The following WWOX variants were observed in gnomAD, a reference collection of about 807,000 sequenced individuals.
WWOX encodes the protein WW domain containing oxidoreductase, also known as WW domain-containing oxidoreductase.
A neutral mutation model predicts 46.2 loss-of-function variants in WWOX; 69 were observed. The ratio of observed to expected loss-of-function variants is 1.49; its 90% confidence interval spans 1.23 to 1.82. The LOEUF (loss-of-function observed/expected upper bound fraction) is 1.82, where lower values mean the gene tolerates loss of function less well. WWOX is among the 40% of genes most tolerant of loss of function. WWOX has a pLI of 0.00. For synonymous variants in WWOX, 359 were observed against 202.6 expected (o/e 1.77, Z -6.56); for missense variants, 919 against 542.6 (o/e 1.69, Z -6.89).
At chr16:78,435,721 C>G (rs1382981880) in intron 8 of WWOX, among the ~76,000 whole-genome samples, 1 of 152,168 alleles carries the variant, frequency 6.6e-6, no homozygotes, top group Non-Finnish European at 1.5e-5. Context: ...GTGGACCTCA[C>G]AGCTCTCCTG....
chr16:78,318,366 A>G (rs1169242304), intron 5 of WWOX, among the ~76,000 whole-genome samples: 1 of 150,878 alleles, frequency 6.6e-6, no homozygotes, highest in Non-Finnish European at 1.5e-5. Context: ...GAAAATGTAT[A>G]AAGGAGAGGT....
Position 78,941,450 on chromosome 16 carries a change from C to A in WWOX, c.1057-270158C>A, listed in dbSNP as rs2045849374. On this transcript the variant is annotated intron_variant, in intron 8 of 8. Coordinates refer to ENST00000566780, the MANE Select transcript of WWOX (RefSeq NM_016373.4). Reference sequence around the variant, plus strand: ...CTCGTAAGCGCATCATTACCTTCCTCCGAACAAAGTCCTTTTTTTTTTTTT... The same window carrying A: ...CTCGTAAGCGCATCATTACCTTCCTACGAACAAAGTCCTTTTTTTTTTTTT... Among the ~76,000 whole-genome samples, 3 of 151,424 alleles carry A rather than the reference C, an allele frequency of 2.0e-5. No individual in the cohort carries two copies. The South Asian group carries it at 6.3e-4, about 32-fold the overall frequency.
At chr16:78,211,555 CCTG>C (rs753430190) in intron 5 of WWOX, among the ~76,000 whole-genome samples, 1 of 151,680 alleles carries the variant, frequency 6.6e-6, no homozygotes, top group Non-Finnish European at 1.5e-5. Context: ...TGCTGTTGCT[CCTG>C]CTGCTGCTGC....
chr16:78,420,353 A>G (rs987715208), intron 6 of WWOX, among the ~76,000 whole-genome samples: 6 of 152,208 alleles, frequency 3.9e-5, no homozygotes, highest in African/African-American at 1.2e-4. Context: ...TAGCCAATAA[A>G]TGGAAACAAT....
chr16:79,021,317 G>T (rs529436251), intron 8 of WWOX, among the ~76,000 whole-genome samples: 1 of 152,128 alleles, frequency 6.6e-6, no homozygotes, highest in Non-Finnish European at 1.5e-5. Context: ...GCGAGATATT[G>T]TCTCTACTCT....
At chr16:79,009,697 C>G (rs1333196767) in intron 8 of WWOX, among the ~76,000 whole-genome samples, 1 of 152,142 alleles carries the variant, frequency 6.6e-6, no homozygotes, top group Non-Finnish European at 1.5e-5. Context: ...GTGATCCACC[C>G]ACCTCAGCTT....
chr16:79,169,086 C>T (rs1479108237), intron 8 of WWOX, among the ~76,000 whole-genome samples: 1 of 152,160 alleles, frequency 6.6e-6, no homozygotes, highest in Non-Finnish European at 1.5e-5. Flanking sequence ...GTTTTATAAA[C>T]ATGATCCCAC....
chr16:78,331,318 T>C (rs1031537776), intron 5 of WWOX, among the ~76,000 whole-genome samples: 2 of 152,224 alleles, frequency 1.3e-5, no homozygotes, highest in African/African-American at 4.8e-5. Flanking sequence ...GAAGGTAATA[T>C]TGGCATATTT....
intron 8 of WWOX, among the ~76,000 whole-genome samples, chr16:78,527,929 G>C (rs1048782458): frequency 6.6e-6 from 1 of 150,778 alleles, no homozygotes; most frequent in Non-Finnish European, 1.5e-5. Context: ...TGCCCAGGTT[G>C]GGAAGCTCTG....
At chr16:78,524,326 T>G (rs905483466) in intron 8 of WWOX, among the ~76,000 whole-genome samples, 3 of 152,222 alleles carry the variant, frequency 2.0e-5, no homozygotes, top group Non-Finnish European at 4.4e-5. Context: ...TGTAAGCCAC[T>G]TTCTTCTCCC....
chr16:78,388,153 C>G (rs113102702), intron 6 of WWOX, among the ~76,000 whole-genome samples: 1 of 152,178 alleles, frequency 6.6e-6, no homozygotes, highest in Non-Finnish European at 1.5e-5. Flanking sequence ...GTCCCAGCCT[C>G]CTGAGTAGCT....
At chr16:78,944,944 C>T (rs144472053) in intron 8 of WWOX, among the ~76,000 whole-genome samples, 188 of 152,136 alleles carry the variant, frequency 1.2e-3, no homozygotes, top group Admixed American at 3.3e-3. Flanking sequence ...TTTCAGAGGC[C>T]GAGGCAGGGA....
chr16:78,882,592 TCGCC>T (rs1168729882), intron 8 of WWOX, among the ~76,000 whole-genome samples: 12 of 145,568 alleles, frequency 8.2e-5, no homozygotes, highest in East Asian at 2.0e-4. Flanking sequence ...TCCTCTCTCC[TCGCC>T]TCCCGAGTAG....
At chr16:78,999,443 C>T (rs150091162) in intron 8 of WWOX, among the ~76,000 whole-genome samples, 1 of 152,256 alleles carries the variant, frequency 6.6e-6, no homozygotes, top group Admixed American at 6.5e-5. Flanking sequence ...GCACTCCAGC[C>T]TGGGCAGCAG....
intron 8 of WWOX, among the ~76,000 whole-genome samples, chr16:78,797,756 G>A (rs952171213): frequency 1.3e-5 from 2 of 152,198 alleles, no homozygotes; most frequent in African/African-American, 2.4e-5. Context: ...GGGAGGTCGA[G>A]GCAGGAGGAT....
intron 8 of WWOX, among the ~76,000 whole-genome samples, chr16:79,007,580 C>G (rs2047215292): frequency 6.6e-6 from 1 of 152,210 alleles, no homozygotes; most frequent in South Asian, 2.1e-4. Context: ...AGGCATGCTA[C>G]TTTATATGGC....
At chr16:79,044,985 C>A (rs1490163396) in intron 8 of WWOX, among the ~76,000 whole-genome samples, 3 of 152,104 alleles carry the variant, frequency 2.0e-5, no homozygotes, top group Non-Finnish European at 2.9e-5. Context: ...ATAATAACTG[C>A]TCAATAAAGG....
chr16:78,618,228 G>T (rs1012900686), intron 8 of WWOX, among the ~76,000 whole-genome samples: 1 of 152,196 alleles, frequency 6.6e-6, no homozygotes, highest in East Asian at 1.9e-4. Context: ...CTGTCCATCT[G>T]AAATGGAAAA....
At chr16:78,703,230 A>G (rs1010681693) in intron 8 of WWOX, among the ~76,000 whole-genome samples, 1 of 152,070 alleles carries the variant, frequency 6.6e-6, no homozygotes, top group Non-Finnish European at 1.5e-5. Flanking sequence ...TCTGTGTGTC[A>G]TAACTACCCA....
Sources: allele counts gnomAD v4.1 joint callset (sites outside exome capture counted in the v4.1 genomes callset), GRCh38; gene constraint gnomAD v4.1.1; transcripts MANE v1.5; gene names NCBI Gene and HGNC (gene_info 2026-07-23, HGNC 2026-07-21).